Variants in RAPGEF2 observed in about 807,000 individuals in gnomAD.
RAPGEF2 encodes the protein PDZ domain containing guanine nucleotide exchange factor (GEF) 1.
RAPGEF2 carries 54 observed loss-of-function variants against 186.7 expected under a neutral mutation model. The observed-to-expected ratio is 0.29, with a 90% CI of 0.23 to 0.36. RAPGEF2 has a LOEUF of 0.36. RAPGEF2 is among the 10% of genes least tolerant of loss of function. The pLI, the probability that RAPGEF2 is intolerant of heterozygous loss-of-function variation, is 1.00. For missense variants in RAPGEF2, 1,532 were observed against 2,045.0 expected, an observed-to-expected ratio of 0.75 and a Z score of 4.84; for synonymous variants, 712 against 705.9, an observed-to-expected ratio of 1.01 and a Z score of -0.14.
chr4:159,214,596 A>G (rs1490050036), intron 4 of RAPGEF2, among the ~76,000 whole-genome samples: 1 of 152,218 alleles, frequency 6.6e-6, no homozygotes, highest in African/African-American at 2.4e-5. Flanking sequence ...TCTATGAATG[A>G]TGAAGCTTAT....
intron 3 of RAPGEF2, among the ~76,000 whole-genome samples, chr4:159,202,903 C>G (rs1749598901): frequency 6.6e-6 from 1 of 152,118 alleles, no homozygotes; most frequent in Admixed American, 6.6e-5. Flanking sequence ...TGCCTGGCCT[C>G]CATGAGCAAC....
chr4:159,221,317 C>G (rs979626200), intron 4 of RAPGEF2, among the ~76,000 whole-genome samples: 1 of 152,142 alleles, frequency 6.6e-6, no homozygotes. Context: ...AGGGTCAGTT[C>G]GTAGCACAGA....
At chr4:159,314,223 A>T (rs1221745873) in intron 8 of RAPGEF2, among the ~76,000 whole-genome samples, 1 of 152,236 alleles carries the variant, frequency 6.6e-6, no homozygotes, top group African/African-American at 2.4e-5. Context: ...CCTATTCTGC[A>T]AAAGGAATTG....
chr4:159,273,856 A>G (rs1202196202), intron 7 of RAPGEF2, among the ~76,000 whole-genome samples: 1 of 152,030 alleles, frequency 6.6e-6, no homozygotes, highest in Admixed American at 6.6e-5. Context: ...GCAGTGGCGC[A>G]GTCTTGGCTC....
chr4:159,244,787 T>G (rs1163595292), intron 7 of RAPGEF2, among the ~76,000 whole-genome samples: 1 of 151,994 alleles, frequency 6.6e-6, no homozygotes, highest in Non-Finnish European at 1.5e-5. Context: ...CTTTATGTTC[T>G]ATACAAGAGA....
intron 1 of RAPGEF2, among the ~76,000 whole-genome samples, chr4:159,131,519 ATTTTTTTTTTTTT>A: frequency 2.7e-5 from 1 of 37,188 alleles, no homozygotes; most frequent in East Asian, 7.0e-4. Flanking sequence ...ATTAATTGCT[ATTTTTTTTTTTTT>A]TTTTTTTTTT....
chr4:159,131,117 A>T (rs867583343), intron 1 of RAPGEF2, among the ~76,000 whole-genome samples: 64 of 151,630 alleles, frequency 4.2e-4, no homozygotes, highest in African/African-American at 1.5e-3. Flanking sequence ...AGAGAGAGAG[A>T]GAGAGAGAGA....
At chr4:159,144,608 A>ATGTTTACTC (rs149973759) in intron 1 of RAPGEF2, among the ~76,000 whole-genome samples, 3,122 of 152,166 alleles carry the variant, frequency 0.021, 105 homozygotes, top group African/African-American at 0.071. Context: ...TTCTCATCAC[A>ATGTTTACTC]TGTTTACTCT....
At chr4:159,263,426 A>G (rs1757096124) in intron 7 of RAPGEF2, among the ~76,000 whole-genome samples, 2 of 152,168 alleles carry the variant, frequency 1.3e-5, no homozygotes, top group Non-Finnish European at 2.9e-5. Flanking sequence ...CTAAAAATCC[A>G]GTTTGTAAAA....
At chr4:159,266,192 TG>T (rs1252944734) in intron 7 of RAPGEF2, among the ~76,000 whole-genome samples, 1 of 150,474 alleles carries the variant, frequency 6.6e-6, no homozygotes, top group Non-Finnish European at 1.5e-5. Flanking sequence ...GAAAAGGGGT[TG>T]GGGGGATGGG....
intron 23 of RAPGEF2, among the ~76,000 whole-genome samples, chr4:159,344,640 C>T (rs1435573377): frequency 6.6e-6 from 1 of 152,162 alleles, no homozygotes; most frequent in Non-Finnish European, 1.5e-5. Flanking sequence ...GACCGTATTA[C>T]TTTAAAAACT....
chr4:159,233,546 C>A (rs985172406), intron 4 of RAPGEF2, among the ~76,000 whole-genome samples: 2 of 152,074 alleles, frequency 1.3e-5, no homozygotes, highest in African/African-American at 4.8e-5. Context: ...ATCGTATGTT[C>A]TCACTCATAA....
At chr4:159,240,199 G>T (rs1303216934) in intron 5 of RAPGEF2, among the ~76,000 whole-genome samples, 1 of 152,010 alleles carries the variant, frequency 6.6e-6, no homozygotes, top group Non-Finnish European at 1.5e-5. Context: ...TATACTTGCT[G>T]ATACTACACA....
chr4:159,339,667 T>C (rs1767954280), intron 19 of RAPGEF2, among the ~76,000 whole-genome samples: 1 of 152,116 alleles, frequency 6.6e-6, no homozygotes, highest in South Asian at 2.1e-4. Flanking sequence ...TTTGGAAGGG[T>C]AGAGTATGCT....
chr4:159,289,766 T>C (rs1394049715), intron 7 of RAPGEF2, among the ~76,000 whole-genome samples: 4 of 152,142 alleles, frequency 2.6e-5, no homozygotes, highest in Non-Finnish European at 4.4e-5. Context: ...TTACAAGAAT[T>C]TCTAACTTCA....
chr4:159,332,585 G>C lies in RAPGEF2; in HGVS notation c.2023G>C (p.Gly675Arg), dbSNP rs1766838236. ...DLAVDVEQVIGLEKVNKKSKA... is the reference protein window; with the variant it reads ...DLAVDVEQVIRLEKVNKKSKA... ...TGCTGTAGATGTAGAACAGGTGATA[G>C]GACTTGAAAAAGTGAACAAAAAAAG... The change falls in exon 17 of 30, where the codon GGA (glycine) becomes CGA (arginine). Residue 675 changes from glycine to arginine, a missense_variant. Transcript: ENST00000691494. 2 of 1,614,100 alleles carry C rather than the reference G, an allele frequency of 1.2e-6. No homozygotes were observed. Among genetic ancestry groups the C allele is most frequent in the Non-Finnish European group, 1.7e-6 (2 of 1,179,998 alleles).
At chr4:159,336,670 C>T (rs1767468357) in intron 17 of RAPGEF2, among the ~76,000 whole-genome samples, 1 of 151,708 alleles carries the variant, frequency 6.6e-6, no homozygotes, top group African/African-American at 2.4e-5. Context: ...GTGAAATTGT[C>T]TCTAGTTTTA....
At chr4:159,245,034 G>A (rs1369723816) in intron 7 of RAPGEF2, among the ~76,000 whole-genome samples, 1 of 151,948 alleles carries the variant, frequency 6.6e-6, no homozygotes, top group African/African-American at 2.4e-5. Context: ...AAATCAATAT[G>A]TAATTGATCT....
chr4:159,312,416 A>G (rs914526326), intron 8 of RAPGEF2, among the ~76,000 whole-genome samples: 2 of 152,182 alleles, frequency 1.3e-5, no homozygotes, highest in Non-Finnish European at 2.9e-5. Flanking sequence ...AGGTGCTGAT[A>G]ACAATGTTGA....
Sources: gnomAD v4.1 joint callset for allele counts (sites outside exome capture counted in the v4.1 genomes callset) on GRCh38, gnomAD v4.1.1 for gene constraint, MANE v1.5 for transcripts, NCBI Gene and HGNC (gene_info 2026-07-23, HGNC 2026-07-21) for gene names.